RGS14: variants seen among roughly 807,000 people sequenced by gnomAD.
RGS14 encodes the protein regulator of G protein signaling 14, also known as regulator of G-protein signaling 14.
Under a neutral mutation model 63.8 loss-of-function variants are expected in RGS14, and 33 were observed. The ratio of observed to expected loss-of-function variants is 0.52; its 90% CI spans 0.39 to 0.69. The LOEUF (loss-of-function observed/expected upper bound fraction) is 0.69. Ranked by LOEUF, RGS14 falls within the 30% of genes least tolerant of loss-of-function variation. RGS14 has a pLI of 0.00. For missense variants in RGS14, 739 were observed against 742.9 expected (o/e 0.99, Z 0.06); for synonymous variants, 296 against 320.9 (o/e 0.92, Z 0.83).
rs774246936 is a variant in RGS14, at chr5:177,371,341, C to T, written c.1337-9C>T. 6.2e-7 allele frequency: 1 copy of T among 1,614,132 alleles called. No homozygotes were observed. The highest frequency in any genetic ancestry group is 1.6e-4 in the Middle Eastern group (1 of 6,062). On this transcript the variant is annotated splice_polypyrimidine_tract_variant and intron_variant, in intron 12 of 14. Transcript: ENST00000408923. The surrounding 1 kb of genome is among the most constrained non-coding windows in gnomAD (Gnocchi z 6.1). ...AGGCAAACACTAACTGTGGCCCTCT[C>T]TGCTGCAGGTGTGAAGATCTCCAAA...
chr5:177,369,027 C>G, intron 9 of RGS14, 107 bp downstream of exon 9: 1 of 1,161,166 alleles, frequency 8.6e-7, no homozygotes, highest in Non-Finnish European at 1.3e-6. Flanking sequence ...AAGTTCTAAA[C>G]CCAACTCCAA....
chr5:177,360,488 C>T (rs1378109833), intron 1 of RGS14, among the ~76,000 whole-genome samples: 2 of 149,128 alleles, frequency 1.3e-5, no homozygotes, highest in African/African-American at 5.0e-5. Context: ...CGTTTGACCC[C>T]AGGAGGTAAA....
chr5:177,367,270 G>A, intron 5 of RGS14, 144 bp from the exon 6 acceptor site: 1 of 1,231,428 alleles, frequency 8.1e-7, no homozygotes, highest in South Asian at 1.5e-5. Context: ...CCGGGGGTGG[G>A]TATAGGAACT....
At chr5:177,367,940 C>A (rs1762141746) in intron 7 of RGS14, 115 bp downstream of exon 7, 5 of 1,437,774 alleles carry the variant, frequency 3.5e-6, no homozygotes, top group Non-Finnish European at 3.6e-6. Flanking sequence ...AAAATTGAAA[C>A]CCAGGTCCCA....
At chr5:177,360,566 TAAAA>T (rs750301708) in intron 1 of RGS14, among the ~76,000 whole-genome samples, 2,267 of 64,734 alleles carry the variant, frequency 0.035, 82 homozygotes, top group African/African-American at 0.12. Flanking sequence ...GATCCTATAT[TAAAA>T]AAAAAAAAAA....
chr5:177,363,919 C>T (rs1762032893), intron 1 of RGS14, among the ~76,000 whole-genome samples: 2 of 152,136 alleles, frequency 1.3e-5, no homozygotes, highest in Non-Finnish European at 2.9e-5. Flanking sequence ...CAATCCCGGA[C>T]AAGGTTGTCC....
rs770765980 is a variant in RGS14, at chr5:177,370,587, G to C, written c.1054-4G>C. On this transcript the variant is annotated splice_polypyrimidine_tract_variant and splice_region_variant and intron_variant, in intron 9 of 14. Transcript: ENST00000408923. ...TCTTAGACCCTGCCTGGCATCCACA[G>C]AAGGCCCTGGTCCTGGATCAGGACT... 1.2e-6 allele frequency: 2 copies of C among 1,613,958 alleles called. No homozygotes were observed. The highest frequency in any genetic ancestry group is 1.6e-4 in the Middle Eastern group (1 of 6,062).
chr5:177,368,236 C>A lies in RGS14; in HGVS notation c.819C>A (p.Gly273=). The change falls in exon 8 of 15, where the codon GGC becomes GGA. Residue 273 remains glycine (G), a synonymous_variant. Transcript: ENST00000408923. ...SLNSSASLDL[G]FLAFVSSKSE... Reference sequence around the variant, plus strand: ...ACTCCTCCGCCAGCCTGGACCTTGGCTTCCTAGCCTTCGTCAGCAGCAAAT... The same window carrying A: ...ACTCCTCCGCCAGCCTGGACCTTGGATTCCTAGCCTTCGTCAGCAGCAAAT... The A allele has an allele frequency of 6.2e-7, 1 of 1,613,574 alleles. No individual in the cohort carries two copies. The highest frequency in any genetic ancestry group is 8.5e-7 in the Non-Finnish European group (1 of 1,179,616).
In RGS14 at chr5:177,367,783, G is replaced by C; in HGVS notation, c.697G>C (p.Glu233Gln). ...GGAGTTGGGGCAGCTGCCACCCGTT[G>C]AGGGTCCTGGGGGCCGCCCTCTCCG... Reference protein sequence around the residue: ...VEELGQLPPVEGPGGRPLRKS... With the variant: ...VEELGQLPPVQGPGGRPLRKS... Residue 233 changes from glutamate (E) to glutamine (Q), a missense_variant, in exon 7 of 15, where the codon GAG becomes CAG. Coordinates refer to ENST00000408923, the MANE Select transcript of RGS14 (RefSeq NM_006480.5). 6.2e-7 allele frequency: 1 copy of C among 1,611,716 alleles called. No homozygotes were observed. Among genetic ancestry groups the C allele is most frequent in the East Asian group, 2.2e-5 (1 of 44,884 alleles).
chr5:177,370,562 T>C (rs773668786), intron 9 of RGS14, 29 bp from the exon 10 acceptor site: 17 of 1,609,548 alleles, frequency 1.1e-5, no homozygotes, highest in South Asian at 3.3e-5. Context: ...GGGGAGGGAC[T>C]CTTAGACCCT....
rs1489283486 is a variant in RGS14, at chr5:177,371,420, T to C, written c.1383+24T>C. ...AGGTGAGCGAAAGGCGAGTGGCCTC[T>C]TCCACCCTCTGCTTCTCCCCTCCCG... On this transcript the variant is annotated intron_variant, in intron 13 of 14. Transcript: ENST00000408923. The surrounding 1 kb of genome is among the most constrained non-coding windows in gnomAD (Gnocchi z 6.1). 6.2e-7 allele frequency: 1 copy of C among 1,614,114 alleles called. No individual in the cohort carries two copies. Among genetic ancestry groups the C allele is most frequent in the African/African-American group, 1.3e-5 (1 of 75,012 alleles).
At position 177,366,702 on chromosome 5, in the gene RGS14, T is replaced by A; in HGVS notation, c.247-6T>A. The A allele has an allele frequency of 6.2e-7, 1 of 1,613,846 alleles. No individual in the cohort carries two copies. The highest frequency in any genetic ancestry group is 8.5e-7 in the Non-Finnish European group (1 of 1,179,824). ...TCTGCCTGCCTCCCCCTCCTTCCCCTCCCAGGAGTTCCTGAAGAAGGAGTT... is the reference window on the plus strand; with the variant it reads ...TCTGCCTGCCTCCCCCTCCTTCCCCACCCAGGAGTTCCTGAAGAAGGAGTT... On this transcript the variant is annotated splice_polypyrimidine_tract_variant and splice_region_variant and intron_variant, in intron 3 of 14. Transcript: ENST00000408923.
intron 10 of RGS14, 32 bp from the exon 11 acceptor site, chr5:177,370,872 TC>T: frequency 6.4e-7 from 1 of 1,568,528 alleles, no homozygotes; most frequent in Non-Finnish European, 8.6e-7. Flanking sequence ...GGGCCGGCCC[TC>T]CGGCCCTCTG....
rs1762045486 is a variant in RGS14, at chr5:177,364,431, C to T, written c.46-1532C>T. Among the ~76,000 whole-genome samples, 1 of 152,120 alleles carries T rather than the reference C, an allele frequency of 6.6e-6. No homozygotes were observed. Among genetic ancestry groups the T allele is most frequent in the Non-Finnish European group, 1.5e-5 (1 of 68,020 alleles). On this transcript the variant is annotated intron_variant, in intron 1 of 14. Transcript: ENST00000408923. This position sits in a 1 kb window ranked among gnomAD's most constrained non-coding sequence, Gnocchi z 4.6. ...AGAGGGAGCTTCCATTTGGGACTTC[C>T]ATTTGGGAGCTTGAGGGCTTGTGGG... is the stretch of plus-strand genomic sequence containing the variant.
chr5:177,368,059 G>A, intron 7 of RGS14, 98 bp from the exon 8 acceptor site: 1 of 1,530,266 alleles, frequency 6.5e-7, no homozygotes, highest in South Asian at 1.2e-5. Context: ...GGCCCCTGCA[G>A]GATGGCTCCA....
At chr5:177,367,586 G>C in intron 6 of RGS14, 29 bp downstream of exon 6, 1 of 1,591,612 alleles carries the variant, frequency 6.3e-7, no homozygotes, top group Non-Finnish European at 8.6e-7. Flanking sequence ...GGGACTGGGC[G>C]AGGCAGGGGG....
intron 1 of RGS14, among the ~76,000 whole-genome samples, chr5:177,362,009 A>G (rs1581615002): frequency 6.6e-6 from 1 of 152,074 alleles, no homozygotes; most frequent in South Asian, 2.1e-4. Context: ...GCACACCTGC[A>G]CCTCACTCCG....
chr5:177,361,536 G>A (rs988920556), intron 1 of RGS14, among the ~76,000 whole-genome samples: 18 of 152,166 alleles, frequency 1.2e-4, no homozygotes, highest in Non-Finnish European at 2.2e-4. Context: ...TCAGGCTCCA[G>A]AATCAGGCAA....
intron 2 of RGS14, 78 bp downstream of exon 2, chr5:177,366,062 A>G: frequency 1.3e-6 from 2 of 1,595,850 alleles, no homozygotes; most frequent in East Asian, 2.2e-5. Context: ...CACCCCTGCC[A>G]CCTGCTATCT....
Sources: gnomAD v4.1 joint callset for allele counts (sites outside exome capture counted in the v4.1 genomes callset) on GRCh38, gnomAD v4.1.1 for gene constraint, Gnocchi (gnomAD v3.1) non-coding constraint, MANE v1.5 for transcripts, NCBI Gene and HGNC (gene_info 2026-07-23, HGNC 2026-07-21) for gene names.